Variants in DOCK2 observed in about 807,000 individuals in gnomAD.
DOCK2 encodes the protein dedicator of cytokinesis 2.
In DOCK2, 87 loss-of-function variants were observed where a neutral mutation model predicts 248.9. The observed-to-expected ratio is 0.35, with a 90% CI of 0.29 to 0.42. The LOEUF (loss-of-function observed/expected upper bound fraction) is 0.42, where lower values mean the gene tolerates loss of function less well. Among genes scored for constraint, DOCK2 ranks in the 10% least tolerant of loss-of-function variants. DOCK2 has a pLI of 1.00. For missense variants in DOCK2, 1,747 were observed against 2,300.2 expected (o/e 0.76, Z 4.92); for synonymous variants, 805 against 821.6 (o/e 0.98, Z 0.35).
rs74444597 is a variant in DOCK2, at chr5:169,943,488, C to T, written c.2800-39580C>T. Reference sequence around the variant, plus strand: ...TTTTCACATAAAAAGATTTTAGGGCCTCTCTTGAGAAAACAGAAGGTCCCA... The same window carrying T: ...TTTTCACATAAAAAGATTTTAGGGCTTCTCTTGAGAAAACAGAAGGTCCCA... On this transcript the variant is annotated intron_variant, in intron 27 of 51. Transcript: ENST00000520908. 9.6e-3 allele frequency among the ~76,000 whole-genome samples: 1,461 copies of T among 152,302 alleles called. 73 individuals are homozygous for T. The East Asian group carries it at 0.13, about 14-fold the overall frequency.
chr5:170,062,493 C>T (rs1324929461), intron 44 of DOCK2, among the ~76,000 whole-genome samples: 2 of 152,140 alleles, frequency 1.3e-5, no homozygotes, highest in Admixed American at 1.3e-4. Context: ...TGCTCTGACA[C>T]TGTGCTATAA....
At chr5:169,699,792 T>C (rs930724717) in intron 12 of DOCK2, among the ~76,000 whole-genome samples, 2 of 152,124 alleles carry the variant, frequency 1.3e-5, no homozygotes, top group Admixed American at 1.3e-4. Context: ...CTTAGAGAAG[T>C]GGGATAATTT....
intron 26 of DOCK2, among the ~76,000 whole-genome samples, chr5:169,814,632 C>T (rs1448107066): frequency 6.6e-6 from 1 of 152,174 alleles, no homozygotes; most frequent in Non-Finnish European, 1.5e-5. Context: ...TGCATAGGAA[C>T]TCTCTGTACC....
intron 9 of DOCK2, 104 bp from the exon 10 acceptor site, chr5:169,695,699 G>A (rs568848978): frequency 1.9e-4 from 279 of 1,496,102 alleles, no homozygotes; most frequent in Admixed American, 1.3e-3. Context: ...TGTATAGCAA[G>A]TATTATATAC....
chr5:169,758,101 A>G (rs1462061947), intron 23 of DOCK2, among the ~76,000 whole-genome samples: 2 of 152,218 alleles, frequency 1.3e-5, no homozygotes, highest in East Asian at 3.9e-4. Context: ...AATTGACAAT[A>G]GCATGGAGCC....
intron 2 of DOCK2, among the ~76,000 whole-genome samples, chr5:169,668,182 A>T (rs1264573083): frequency 3.9e-5 from 6 of 152,246 alleles, no homozygotes; most frequent in African/African-American, 1.2e-4. Context: ...TGCGGTTGTT[A>T]TGAATATTGA....
At chr5:169,755,079 A>G (rs937787842) in intron 23 of DOCK2, among the ~76,000 whole-genome samples, 1 of 151,974 alleles carries the variant, frequency 6.6e-6, no homozygotes, top group Admixed American at 6.6e-5. Context: ...CTGGGATCAC[A>G]GGCCTGTGCC....
intron 27 of DOCK2, among the ~76,000 whole-genome samples, chr5:169,902,035 C>A (rs560308026): frequency 6.6e-6 from 1 of 152,152 alleles, no homozygotes; most frequent in Non-Finnish European, 1.5e-5. Context: ...ATCAGTCAAA[C>A]GGTTTGTTTC....
intron 14 of DOCK2, among the ~76,000 whole-genome samples, chr5:169,705,993 T>C (rs1761239971): frequency 6.6e-6 from 1 of 152,234 alleles, no homozygotes; most frequent in South Asian, 2.1e-4. Flanking sequence ...TGGAACAGTG[T>C]TATTTGAGAT....
chr5:169,979,562 A>G (rs945340438), intron 27 of DOCK2, among the ~76,000 whole-genome samples: 8 of 152,218 alleles, frequency 5.3e-5, no homozygotes, highest in African/African-American at 7.2e-5. Context: ...CAGGTTATCA[A>G]TCATTCACAT....
chr5:169,693,499 G>C (rs1475838131), intron 9 of DOCK2, among the ~76,000 whole-genome samples: 1 of 152,160 alleles, frequency 6.6e-6, no homozygotes, highest in African/African-American at 2.4e-5. Context: ...TGAAATAATA[G>C]ATGCGATGTC....
chr5:169,985,572 C>A (rs1464882704), intron 28 of DOCK2, among the ~76,000 whole-genome samples: 1 of 152,124 alleles, frequency 6.6e-6, no homozygotes, highest in Non-Finnish European at 1.5e-5. Context: ...ACATTTACTT[C>A]TTTATTCCCA....
At chr5:170,025,769 T>TCCCTC (rs1755881484) in intron 33 of DOCK2, among the ~76,000 whole-genome samples, 2 of 73,748 alleles carry the variant, frequency 2.7e-5, no homozygotes, top group Non-Finnish European at 5.4e-5. Context: ...GTTCCCTCCC[T>TCCCTC]CCCTCCCTCC....
At chr5:169,792,000 A>C (rs1420077569) in intron 25 of DOCK2, among the ~76,000 whole-genome samples, 1 of 152,184 alleles carries the variant, frequency 6.6e-6, no homozygotes, top group Non-Finnish European at 1.5e-5. Context: ...AAGAGATAAA[A>C]GTGTAGGAGT....
At chr5:169,894,952 G>A (rs1460989030) in intron 27 of DOCK2, among the ~76,000 whole-genome samples, 2 of 152,184 alleles carry the variant, frequency 1.3e-5, no homozygotes, top group East Asian at 3.9e-4. Flanking sequence ...GGCCCCCCGT[G>A]AGGTCTGCCA....
At chr5:169,823,871 C>T (rs1177461069) in intron 26 of DOCK2, among the ~76,000 whole-genome samples, 3 of 152,080 alleles carry the variant, frequency 2.0e-5, no homozygotes, top group African/African-American at 7.2e-5. Context: ...TCTAGAAAAC[C>T]CCATTGTCTC....
At chr5:170,065,516 A>G (rs1015478097) in intron 44 of DOCK2, among the ~76,000 whole-genome samples, 13 of 152,212 alleles carry the variant, frequency 8.5e-5, no homozygotes, top group African/African-American at 3.1e-4. Flanking sequence ...CCGTTTTCAC[A>G]TTACTGATAG....
At chr5:170,050,192 T>A in intron 40 of DOCK2, 64 bp from the exon 41 acceptor site, 1 of 1,585,180 alleles carries the variant, frequency 6.3e-7, no homozygotes, top group Non-Finnish European at 8.6e-7. Context: ...GCTCCCCAGC[T>A]TTGCTTGGCC....
chr5:169,863,067 A>G (rs140763082), intron 27 of DOCK2, among the ~76,000 whole-genome samples: 114 of 152,332 alleles, frequency 7.5e-4, no homozygotes, highest in African/African-American at 2.5e-3. Context: ...TTACTTAATT[A>G]TATTACTTTA....
Sources: allele counts gnomAD v4.1 joint callset (sites outside exome capture counted in the v4.1 genomes callset), GRCh38; gene constraint gnomAD v4.1.1; transcripts MANE v1.5; gene names NCBI Gene and HGNC (gene_info 2026-07-23, HGNC 2026-07-21).